Variants in B4GALNT3 observed in about 807,000 individuals in gnomAD.
B4GALNT3 encodes the protein beta-1,4-N-acetylgalactosaminyltransferase 3.
In B4GALNT3, 86 loss-of-function variants were observed where a neutral mutation model predicts 120.2. The ratio of observed to expected loss-of-function variants is 0.72; its 90% CI spans 0.60 to 0.86. The LOEUF (loss-of-function observed/expected upper bound fraction) is 0.86. B4GALNT3 is among the 40% of genes least tolerant of loss of function. B4GALNT3 has a pLI of 0.00. For synonymous variants in B4GALNT3, 518 were observed against 510.4 expected, an observed-to-expected ratio of 1.01 and a Z score of -0.20; for missense variants, 1,167 against 1,298.9, an observed-to-expected ratio of 0.90 and a Z score of 1.56.
At chr12:511,626 GA>G (rs1720347096) in intron 1 of B4GALNT3, among the ~76,000 whole-genome samples, 1 of 23,614 alleles carries the variant, frequency 4.2e-5, no homozygotes, top group Non-Finnish European at 9.0e-5. Flanking sequence ...TTCCACCTTC[GA>G]CCTTCCACCT....
In B4GALNT3 at chr12:556,745, G is replaced by T. The variant is rs1947160618; in HGVS notation, c.2259G>T (p.Leu753=). 3.7e-6 allele frequency: 6 copies of T among 1,612,684 alleles called. No individual in the cohort carries two copies. The highest frequency in any genetic ancestry group is 4.2e-6 in the Non-Finnish European group (5 of 1,179,144). The change falls in exon 15 of 20, where the codon CTG becomes CTT. Residue 753 remains leucine (L), a synonymous_variant. Coordinates refer to ENST00000266383, the MANE Select transcript of B4GALNT3 (RefSeq NM_173593.4). The part of the protein sequence containing the change: ...EEVEARNLQG[L]VWDPHNRRRQ... The stretch of plus-strand genomic sequence containing the variant: ...TCGAGGCCCGGAACCTGCAAGGCCT[G>T]GTCTGGGACCCACACAACCGTAGGA...
intron 1 of B4GALNT3, among the ~76,000 whole-genome samples, chr12:509,148 C>T (rs978427704): frequency 6.6e-6 from 1 of 152,218 alleles, no homozygotes; most frequent in East Asian, 1.9e-4. Flanking sequence ...GCTGATGGGG[C>T]GGAGGACCCC....
intron 1 of B4GALNT3, among the ~76,000 whole-genome samples, chr12:503,448 G>A (rs934862080): frequency 4.6e-5 from 7 of 152,118 alleles, no homozygotes; most frequent in African/African-American, 1.4e-4. Context: ...CAAATCCTCC[G>A]CAGGCTCTTG....
chr12:504,502 C>T (rs1946477304), intron 1 of B4GALNT3, among the ~76,000 whole-genome samples: 1 of 150,840 alleles, frequency 6.6e-6, no homozygotes, highest in South Asian at 2.1e-4. Flanking sequence ...CTCTGTTGCC[C>T]AGGCTGGAGT....
At chr12:545,708 A>AGGAGTGAGGAG (rs1565608157) in intron 6 of B4GALNT3, among the ~76,000 whole-genome samples, 16 of 93,924 alleles carry the variant, frequency 1.7e-4, no homozygotes, top group Non-Finnish European at 1.2e-4. Context: ...GGAGTGAGGA[A>AGGAGTGAGGAG]TGGGGAGGAG....
chr12:561,726 C>T lies in B4GALNT3; in HGVS notation c.*275C>T, dbSNP rs1160167496. 8 of 425,136 alleles carry T rather than the reference C, an allele frequency of 1.9e-5. No individual in the cohort carries two copies. Among genetic ancestry groups the T allele is most frequent in the South Asian group, 1.6e-4 (5 of 31,400 alleles). The allele number at this position is 425,136 out of a possible 1,614,324, so 26.3% of individuals were successfully genotyped here. A position where few individuals can be genotyped will look rare whatever the true frequency, so the allele number is the denominator to read the frequency against. Reference sequence around the variant, plus strand: ...GAACGGGAAGAGCTCCTGAGAAGGACGGGTCAGGAAGGAGAGATCTGACTG... The same window carrying T: ...GAACGGGAAGAGCTCCTGAGAAGGATGGGTCAGGAAGGAGAGATCTGACTG... On this transcript the variant is annotated 3_prime_UTR_variant, in exon 20 of 20. Transcript: ENST00000266383.
chr12:509,216 T>TGA (rs1338011753), intron 1 of B4GALNT3, among the ~76,000 whole-genome samples: 2 of 152,204 alleles, frequency 1.3e-5, no homozygotes, highest in African/African-American at 2.4e-5. Flanking sequence ...CAGCCCCCTT[T>TGA]GAGAGCTCAG....
At chr12:515,967 C>G (rs979288516) in intron 1 of B4GALNT3, among the ~76,000 whole-genome samples, 1 of 147,212 alleles carries the variant, frequency 6.8e-6, no homozygotes, top group Non-Finnish European at 1.5e-5. Flanking sequence ...GAAACCCCAT[C>G]TCTACTAAAA....
intron 1 of B4GALNT3, among the ~76,000 whole-genome samples, chr12:504,254 C>T (rs1946472280): frequency 6.7e-6 from 1 of 149,644 alleles, no homozygotes; most frequent in Admixed American, 6.7e-5. Flanking sequence ...GCACTCCAGC[C>T]TGGGCAACAG....
intron 1 of B4GALNT3, among the ~76,000 whole-genome samples, chr12:520,248 A>G (rs1291099592): frequency 6.6e-6 from 1 of 152,212 alleles, no homozygotes; most frequent in Admixed American, 6.5e-5. Flanking sequence ...TGGGTTAGAT[A>G]GAGTTGTATA....
At chr12:554,134 G>T in intron 14 of B4GALNT3, 151 bp downstream of exon 14, 1 of 627,152 alleles carries the variant, frequency 1.6e-6, no homozygotes, top group Non-Finnish European at 2.8e-6. Flanking sequence ...GGAAGGACAA[G>T]TGCCCGGGGC....
intron 1 of B4GALNT3, among the ~76,000 whole-genome samples, chr12:506,358 C>T (rs918069950): frequency 1.3e-5 from 2 of 152,178 alleles, no homozygotes; most frequent in African/African-American, 4.8e-5. Context: ...CTCCTGACTT[C>T]TAGCCCACTG....
At chr12:520,740 G>A (rs1007030222) in intron 1 of B4GALNT3, among the ~76,000 whole-genome samples, 15 of 119,628 alleles carry the variant, frequency 1.3e-4, no homozygotes, top group South Asian at 3.2e-4. Flanking sequence ...GCACTGAGCC[G>A]AGATCGTGCC....
intron 1 of B4GALNT3, among the ~76,000 whole-genome samples, chr12:507,063 G>T (rs879850696): frequency 5.3e-5 from 8 of 152,162 alleles, no homozygotes; most frequent in Non-Finnish European, 7.3e-5. Flanking sequence ...CTTGCATTAA[G>T]CCCCGGTACA....
intron 1 of B4GALNT3, among the ~76,000 whole-genome samples, chr12:471,384 C>CAATA (rs111851364): frequency 0.27 from 36,602 of 137,032 alleles, 5,515 homozygotes; most frequent in Middle Eastern, 0.37. Flanking sequence ...GACTCTGTCT[C>CAATA]AATAAATAAA....
At chr12:515,643 T>A (rs1946645956) in intron 1 of B4GALNT3, among the ~76,000 whole-genome samples, 1 of 152,224 alleles carries the variant, frequency 6.6e-6, no homozygotes, top group South Asian at 2.1e-4. Flanking sequence ...CACTCTCATT[T>A]GATCCTCATA....
At chr12:528,954 T>TG (rs1409954029) in intron 1 of B4GALNT3, among the ~76,000 whole-genome samples, 4 of 152,228 alleles carry the variant, frequency 2.6e-5, no homozygotes, top group African/African-American at 9.7e-5. Context: ...GAGTGTCTGG[T>TG]GACAGTTCTG....
chr12:541,272 C>G (rs769991516), intron 3 of B4GALNT3, among the ~76,000 whole-genome samples: 6 of 152,216 alleles, frequency 3.9e-5, no homozygotes, highest in Non-Finnish European at 1.5e-5. Flanking sequence ...CTTGGGGAGT[C>G]AGTTTACCTC....
In B4GALNT3 at chr12:471,136, C is replaced by T. The variant is rs570579088; in HGVS notation, c.169+10591C>T. Reference sequence around the variant, plus strand: ...GGGCGCGGTGGCTCACACCTGTAATCACAGCACTTTGGGAGGCTGAGGCAG... The same window carrying T: ...GGGCGCGGTGGCTCACACCTGTAATTACAGCACTTTGGGAGGCTGAGGCAG... On this transcript the variant is annotated intron_variant, in intron 1 of 19. Transcript: ENST00000266383. Among the ~76,000 whole-genome samples, 11 of 151,632 alleles carry T rather than the reference C, an allele frequency of 7.3e-5. No individual in the cohort carries two copies. The East Asian group carries it at 2.2e-3, about 30-fold the overall frequency.
Sources: allele counts gnomAD v4.1 joint callset (sites outside exome capture counted in the v4.1 genomes callset), GRCh38; gene constraint gnomAD v4.1.1; transcripts MANE v1.5; gene names NCBI Gene and HGNC (gene_info 2026-07-23, HGNC 2026-07-21).